The following RALGAPA1 variants were observed in gnomAD, a reference collection of about 807,000 sequenced individuals.
The protein encoded by RALGAPA1 is Ral GTPase activating protein catalytic subunit alpha 1, also known as ral GTPase-activating protein subunit alpha-1.
In RALGAPA1, 52 loss-of-function variants were observed where a neutral mutation model predicts 269.6. The observed-to-expected ratio is 0.19, with a 90% CI of 0.15 to 0.24. The LOEUF (loss-of-function observed/expected upper bound fraction) is 0.24, where lower values mean the gene tolerates loss of function less well. Ranked by LOEUF, RALGAPA1 falls within the 10% of genes least tolerant of loss-of-function variation. The pLI, the probability that RALGAPA1 is intolerant of heterozygous loss-of-function variation, is 1.00. For synonymous variants in RALGAPA1, 817 were observed against 1,008.3 expected (o/e 0.81, Z 3.60); for missense variants, 1,917 against 3,013.9 (o/e 0.64, Z 8.52).
chr14:35,747,739 A>G (rs764832139), intron 10 of RALGAPA1, among the ~76,000 whole-genome samples: 11 of 152,160 alleles, frequency 7.2e-5, no homozygotes, highest in Non-Finnish European at 1.5e-4. Flanking sequence ...GCAAAACTCA[A>G]TGTTGTTTAC....
intron 38 of RALGAPA1, 97 bp downstream of exon 38, chr14:35,572,463 T>C: frequency 1.1e-6 from 1 of 929,462 alleles, no homozygotes; most frequent in South Asian, 1.9e-5. Context: ...CACAACTTGA[T>C]GCCTACTCCA....
chr14:35,768,484 G>T (rs1162888650), intron 4 of RALGAPA1, among the ~76,000 whole-genome samples: 1 of 151,994 alleles, frequency 6.6e-6, no homozygotes, highest in Non-Finnish European at 1.5e-5. Flanking sequence ...GAAGCCGGAG[G>T]TTTGAGACCA....
chr14:35,789,986 G>T (rs1229962197), intron 1 of RALGAPA1, among the ~76,000 whole-genome samples: 1 of 152,180 alleles, frequency 6.6e-6, no homozygotes, highest in East Asian at 1.9e-4. Flanking sequence ...GGGTGCAATG[G>T]TTCATGCCTG....
chr14:35,655,653 A>T (rs942978113), intron 29 of RALGAPA1, among the ~76,000 whole-genome samples, 154 bp downstream of exon 29: 1 of 152,118 alleles, frequency 6.6e-6, no homozygotes, highest in Non-Finnish European at 1.5e-5. Context: ...GAAACAGAAC[A>T]ATTTTTAAGG....
chr14:35,615,276 T>C (rs1193034948), intron 35 of RALGAPA1, among the ~76,000 whole-genome samples: 2 of 152,148 alleles, frequency 1.3e-5, no homozygotes, highest in East Asian at 3.8e-4. Flanking sequence ...TGCAATAAAA[T>C]AATAATACAT....
intron 1 of RALGAPA1, among the ~76,000 whole-genome samples, chr14:35,784,091 T>C (rs2075637992): frequency 6.7e-6 from 1 of 150,156 alleles, no homozygotes; most frequent in African/African-American, 2.5e-5. Flanking sequence ...AAACATAAGA[T>C]CAGGCTGGGC....
intron 35 of RALGAPA1, among the ~76,000 whole-genome samples, chr14:35,619,612 A>G (rs1013225257): frequency 6.6e-5 from 10 of 152,334 alleles, no homozygotes; most frequent in Middle Eastern, 3.4e-3. Flanking sequence ...AGCAAGACTA[A>G]TAAAGAAGAA....
chr14:35,765,919 C>A, intron 4 of RALGAPA1: 1 of 1,201,360 alleles, frequency 8.3e-7, no homozygotes, highest in Non-Finnish European at 1.2e-6. Flanking sequence ...GCTATGAGAT[C>A]TGGAAATGCA....
intron 1 of RALGAPA1, among the ~76,000 whole-genome samples, chr14:35,796,037 C>T (rs759413968): frequency 6.6e-6 from 1 of 151,932 alleles, no homozygotes; most frequent in Non-Finnish European, 1.5e-5. Context: ...CAAAAGTTAC[C>T]AGGCACACAA....
chr14:35,692,207 G>A (rs1181204126), intron 17 of RALGAPA1, among the ~76,000 whole-genome samples: 6 of 151,962 alleles, frequency 3.9e-5, no homozygotes, highest in African/African-American at 1.4e-4. Flanking sequence ...TGTTCTATAA[G>A]AATTCTTACG....
intron 21 of RALGAPA1, among the ~76,000 whole-genome samples, chr14:35,680,756 A>G (rs554094439): frequency 6.6e-6 from 1 of 151,870 alleles, no homozygotes; most frequent in Non-Finnish European, 1.5e-5. Flanking sequence ...CTAGGACTAC[A>G]GGTGCCCACC....
At chr14:35,771,526 C>G (rs557005975) in intron 3 of RALGAPA1, among the ~76,000 whole-genome samples, 1 of 152,248 alleles carries the variant, frequency 6.6e-6, no homozygotes, top group South Asian at 2.1e-4. Context: ...AAACAACAAG[C>G]AATACTAACC....
chr14:35,715,854 A>T, intron 16 of RALGAPA1: 1 of 985,418 alleles, frequency 1.0e-6, no homozygotes, highest in Non-Finnish European at 1.2e-6. Flanking sequence ...CCACTTTTCC[A>T]GTGTGCTTAC....
chr14:35,786,758 T>C (rs1480808094), intron 1 of RALGAPA1, among the ~76,000 whole-genome samples: 1 of 152,232 alleles, frequency 6.6e-6, no homozygotes, highest in Non-Finnish European at 1.5e-5. Context: ...ATATCTTTAT[T>C]TTTAAAAGCT....
intron 11 of RALGAPA1, among the ~76,000 whole-genome samples, chr14:35,741,603 C>T (rs1169410379): frequency 6.6e-6 from 1 of 152,276 alleles, no homozygotes; most frequent in East Asian, 1.9e-4. Flanking sequence ...ATTACTCAAT[C>T]ATTCCTATCT....
At chr14:35,569,240 G>C (rs1263176234) in intron 39 of RALGAPA1, among the ~76,000 whole-genome samples, 1 of 151,908 alleles carries the variant, frequency 6.6e-6, no homozygotes. Context: ...TGGAACATAA[G>C]ATATTTTTAA....
intron 17 of RALGAPA1, among the ~76,000 whole-genome samples, chr14:35,695,186 T>A (rs1453752614): frequency 6.6e-6 from 1 of 151,672 alleles, no homozygotes; most frequent in Non-Finnish European, 1.5e-5. Context: ...TAAGCTAGGA[T>A]GGCACCACAG....
At chr14:35,664,580 T>G in intron 27 of RALGAPA1, 62 bp downstream of exon 27, 1 of 1,292,890 alleles carries the variant, frequency 7.7e-7, no homozygotes, top group Non-Finnish European at 1.1e-6. Flanking sequence ...ACAAATTTTA[T>G]TGCATATACT....
At chr14:35,719,076 C>T (rs1224214014) in intron 16 of RALGAPA1, among the ~76,000 whole-genome samples, 1 of 152,040 alleles carries the variant, frequency 6.6e-6, no homozygotes, top group African/African-American at 2.4e-5. Flanking sequence ...TAATGTTAAA[C>T]CCAGCACTTT....
Sources: gnomAD v4.1 joint callset for allele counts (sites outside exome capture counted in the v4.1 genomes callset) on GRCh38, gnomAD v4.1.1 for gene constraint, MANE v1.5 for transcripts, NCBI Gene and HGNC (gene_info 2026-07-23, HGNC 2026-07-21) for gene names.